RNF216: variants seen among roughly 807,000 people sequenced by gnomAD.
RNF216 encodes the protein E3 ubiquitin-protein ligase RNF216.
Under a neutral mutation model 110.8 loss-of-function variants are expected in RNF216, and 72 were observed. That is an observed-to-expected ratio of 0.65 (90% CI 0.54 to 0.79). The LOEUF is 0.79. RNF216 is among the 30% of genes least tolerant of loss of function. The pLI is 0.00. For synonymous variants in RNF216, 495 were observed against 407.5 expected (o/e 1.21, Z -2.59); for missense variants, 1,342 against 1,141.2 (o/e 1.18, Z -2.54).
At chr7:5,781,015 G>A (rs1253037702) in intron 1 of RNF216, among the ~76,000 whole-genome samples, 2 of 152,082 alleles carry the variant, frequency 1.3e-5, no homozygotes, top group South Asian at 2.1e-4. Flanking sequence ...AGGGTTTGAC[G>A]CACTTGCGGC....
At chr7:5,677,137 G>T (rs996445415) in intron 13 of RNF216, among the ~76,000 whole-genome samples, 3 of 152,200 alleles carry the variant, frequency 2.0e-5, no homozygotes, top group Non-Finnish European at 1.5e-5. Flanking sequence ...GAAAACAGAA[G>T]TGATTTCATT....
In RNF216 at chr7:5,721,053, T is replaced by C. The variant is rs777283895; in HGVS notation, c.1624A>G (p.Lys542Glu). 1 of 1,614,134 alleles carries C rather than the reference T, an allele frequency of 6.2e-7. No homozygotes were observed. The highest frequency in any genetic ancestry group is 1.3e-5 in the African/African-American group (1 of 74,946). ...CCTACCTCTGCCATCTCTTTGATTTTCTGCTCATAGAACTCCTGCTCTTGT... is the reference window on the plus strand; with the variant it reads ...CCTACCTCTGCCATCTCTTTGATTTCCTGCTCATAGAACTCCTGCTCTTGT... ...VQQEQEFYEQ[K>E]IKEMAEHEDF... The change falls in exon 9 of 17, where the codon AAA becomes GAA. Residue 542 changes from lysine (K) to glutamate (E), a missense_variant. Transcript: ENST00000389902.
At chr7:5,747,743 T>C (rs1384979740) in intron 3 of RNF216, among the ~76,000 whole-genome samples, 2 of 27,258 alleles carry the variant, frequency 7.3e-5, no homozygotes, top group Non-Finnish European at 1.2e-4. Flanking sequence ...GGAGACTCCA[T>C]CTCAAAAAAA....
intron 14 of RNF216, among the ~76,000 whole-genome samples, chr7:5,648,876 A>C (rs1404606354): frequency 6.6e-6 from 1 of 152,204 alleles, no homozygotes; most frequent in African/African-American, 2.4e-5. Flanking sequence ...AACCTGAACA[A>C]ACTAACTGCA....
In RNF216 at chr7:5,716,758, G is replaced by C. The variant is rs1161599139; in HGVS notation, c.1653C>G (p.Asp551Glu). 6.2e-7 allele frequency: 1 copy of C among 1,605,794 alleles called. No individual in the cohort carries two copies. The highest frequency in any genetic ancestry group is 1.3e-5 in the African/African-American group (1 of 74,852). The change falls in exon 10 of 17, where the codon GAC (aspartate) becomes GAG (glutamate). Residue 551 changes from aspartate to glutamate, a missense_variant. By Grantham distance (45) the Asp-to-Glu change is conservative. Coordinates refer to ENST00000389902, the MANE Select transcript of RNF216 (RefSeq NM_207111.4). ...QKIKEMAEHE[D>E]FLLALQMNEE... is the part of the protein sequence containing the mutation. ...CATTCATCTGTAGGGCAAGCAAAAAGTCTTCATGCTGAAGAACAAAAAAGG... is the reference window on the plus strand; with the variant it reads ...CATTCATCTGTAGGGCAAGCAAAAACTCTTCATGCTGAAGAACAAAAAAGG...
intron 12 of RNF216, 89 bp from the exon 13 acceptor site, chr7:5,711,928 A>T (rs1476318083): frequency 1.8e-6 from 2 of 1,142,338 alleles, no homozygotes; most frequent in Non-Finnish European, 2.6e-6. Flanking sequence ...ATGAAGATGG[A>T]GTTTTGAGCT....
chr7:5,653,851 G>A (rs1419678928), intron 13 of RNF216, among the ~76,000 whole-genome samples: 1 of 152,178 alleles, frequency 6.6e-6, no homozygotes, highest in African/African-American at 2.4e-5. Flanking sequence ...TGGGCAGCAA[G>A]AGAAGACTCT....
chr7:5,666,359 G>A (rs893033991), intron 13 of RNF216, among the ~76,000 whole-genome samples: 1 of 152,052 alleles, frequency 6.6e-6, no homozygotes, highest in African/African-American at 2.4e-5. Flanking sequence ...ATAAACTGGT[G>A]GTCAGGGAAG....
chr7:5,770,024 C>CAAAAAAAAAAAAAAAA lies in RNF216; in HGVS notation c.-69-8902_-69-8887dup, dbSNP rs1163710982. 1.2e-4 allele frequency among the ~76,000 whole-genome samples: 3 copies of CAAAAAAAAAAAAAAAA among 24,138 alleles called. 1 individual carries two copies. The highest frequency in any genetic ancestry group is 6.7e-5 in the Non-Finnish European group (1 of 14,916). The allele number at this position is 24,138 out of a possible 152,430, so 15.8% of individuals were successfully genotyped here. ...CTGGCTGACAGAGTGAGACCCATCTCAAAAAAAAAAAAAAAAAAAAAAAAA... is the reference window on the plus strand; with the variant it reads ...CTGGCTGACAGAGTGAGACCCATCTCAAAAAAAAAAAAAAAAAAAAAAAAAAAAAAAAAAAAAAAAA... On this transcript the variant is annotated intron_variant, in intron 1 of 16. Transcript: ENST00000389902.
chr7:5,703,998 C>T (rs929447782), intron 13 of RNF216, among the ~76,000 whole-genome samples: 17 of 152,330 alleles, frequency 1.1e-4, no homozygotes, highest in Non-Finnish European at 2.1e-4. Flanking sequence ...TCACACCAAA[C>T]ACACCCAATT....
At chr7:5,758,476 G>A (rs1277274053) in intron 2 of RNF216, among the ~76,000 whole-genome samples, 1 of 152,184 alleles carries the variant, frequency 6.6e-6, no homozygotes, top group African/African-American at 2.4e-5. Context: ...TTTCAACAGT[G>A]TGGGTCCCCT....
At chr7:5,691,187 G>A (rs1007552078) in intron 13 of RNF216, among the ~76,000 whole-genome samples, 1 of 152,210 alleles carries the variant, frequency 6.6e-6, no homozygotes, top group Non-Finnish European at 1.5e-5. Context: ...TTCTGCTCAT[G>A]CCAACAGGGT....
intron 13 of RNF216, among the ~76,000 whole-genome samples, chr7:5,658,298 C>T (rs911424297): frequency 6.6e-5 from 10 of 152,170 alleles, no homozygotes; most frequent in Non-Finnish European, 1.3e-4. Flanking sequence ...CCAAACATTC[C>T]AACAATGAAA....
chr7:5,705,796 A>T (rs1792241659), intron 13 of RNF216, among the ~76,000 whole-genome samples: 1 of 151,894 alleles, frequency 6.6e-6, no homozygotes, highest in African/African-American at 2.4e-5. Context: ...AATCACAGCT[A>T]CTCGGGAGGC....
At chr7:5,756,929 C>A (rs1276162738) in intron 2 of RNF216, among the ~76,000 whole-genome samples, 1 of 152,194 alleles carries the variant, frequency 6.6e-6, no homozygotes, top group African/African-American at 2.4e-5. Flanking sequence ...AGCCACTGCG[C>A]CTGGCTGAGC....
chr7:5,632,355 C>G (rs1376392307), intron 15 of RNF216, among the ~76,000 whole-genome samples: 1 of 152,244 alleles, frequency 6.6e-6, no homozygotes, highest in South Asian at 2.1e-4. Flanking sequence ...AGTTCTGTCT[C>G]TGCTCTCCTT....
chr7:5,689,334 T>G (rs1791180724), intron 13 of RNF216, among the ~76,000 whole-genome samples: 1 of 150,594 alleles, frequency 6.6e-6, no homozygotes, highest in Non-Finnish European at 1.5e-5. Flanking sequence ...CTCCAAGACT[T>G]TCTCAACAAT....
chr7:5,732,118 C>T (rs1794128875), intron 5 of RNF216, among the ~76,000 whole-genome samples: 1 of 152,222 alleles, frequency 6.6e-6, no homozygotes, highest in Non-Finnish European at 1.5e-5. Flanking sequence ...CAGCAAACTC[C>T]TCCTATTACA....
chr7:5,685,963 C>A (rs1790955054), intron 13 of RNF216, among the ~76,000 whole-genome samples: 1 of 152,096 alleles, frequency 6.6e-6, no homozygotes, highest in Non-Finnish European at 1.5e-5. Flanking sequence ...TGGCTCACAC[C>A]TGTAATCCCA....
Sources: gnomAD v4.1 joint callset for allele counts (sites outside exome capture counted in the v4.1 genomes callset) on GRCh38, gnomAD v4.1.1 for gene constraint, MANE v1.5 for transcripts, NCBI Gene and HGNC (gene_info 2026-07-23, HGNC 2026-07-21) for gene names.